MGAT4C: variants seen among roughly 807,000 people sequenced by gnomAD.
The protein encoded by MGAT4C is alpha-1,3-mannosyl-glycoprotein 4-beta-N-acetylglucosaminyltransferase C.
Under a neutral mutation model 40.1 loss-of-function variants are expected in MGAT4C, and 19 were observed. The ratio of observed to expected loss-of-function variants is 0.47; its 90% CI spans 0.33 to 0.70. MGAT4C has a LOEUF of 0.70. MGAT4C is among the 30% of genes least tolerant of loss of function. MGAT4C has a pLI of 0.02. For missense variants in MGAT4C, 491 were observed against 563.2 expected, an observed-to-expected ratio of 0.87 and a Z score of 1.30; for synonymous variants, 181 against 187.1, an observed-to-expected ratio of 0.97 and a Z score of 0.27.
rs184141481 is a variant in MGAT4C, at chr12:86,323,852, A to G, written c.-57+10213T>C. 3.9e-5 allele frequency among the ~76,000 whole-genome samples: 6 copies of G among 152,042 alleles called. No individual in the cohort carries two copies. The East Asian group carries it at 1.2e-3, about 29-fold the overall frequency. On this transcript the variant is annotated intron_variant, in intron 4 of 7. Transcript: ENST00000548651. ...AAATCAAGAACTACCTAAAGCTACT[A>G]AATCTTTGCCACTAGCCTAAATGAG... is the stretch of plus-strand genomic sequence containing the variant.
chr12:86,712,731 G>C (rs1950579373), intron 2 of MGAT4C, among the ~76,000 whole-genome samples: 1 of 152,074 alleles, frequency 6.6e-6, no homozygotes, highest in African/African-American at 2.4e-5. Context: ...GGTGCTTATA[G>C]TCTCAAGTCA....
chr12:86,679,455 G>A (rs966214152), intron 2 of MGAT4C, among the ~76,000 whole-genome samples: 4 of 152,194 alleles, frequency 2.6e-5, no homozygotes, highest in Non-Finnish European at 2.9e-5. Context: ...GAGCTACAGT[G>A]TACTATTTTG....
At chr12:86,234,274 G>A (rs1328562845) in intron 1 of MGAT4C, among the ~76,000 whole-genome samples, 3 of 152,148 alleles carry the variant, frequency 2.0e-5, no homozygotes, top group Admixed American at 6.6e-5. Context: ...GACTAATGTA[G>A]AGCCAGCATT....
intron 2 of MGAT4C, among the ~76,000 whole-genome samples, chr12:86,550,571 C>T (rs933509349): frequency 3.9e-5 from 6 of 152,210 alleles, no homozygotes; most frequent in African/African-American, 1.4e-4. Flanking sequence ...CTCTCCAGCA[C>T]TGGGGCTTCA....
intron 1 of MGAT4C, among the ~76,000 whole-genome samples, chr12:86,757,865 C>A (rs1015343721): frequency 6.6e-6 from 1 of 152,078 alleles, no homozygotes; most frequent in Non-Finnish European, 1.5e-5. Flanking sequence ...CATAGCCTCA[C>A]CTCAATTTTA....
intron 4 of MGAT4C, among the ~76,000 whole-genome samples, chr12:86,316,470 G>A (rs1954234127): frequency 6.6e-6 from 1 of 152,092 alleles, no homozygotes; most frequent in Non-Finnish European, 1.5e-5. Flanking sequence ...CAACCTAGGT[G>A]CCCATCAACA....
At chr12:86,323,157 C>T (rs965721660) in intron 4 of MGAT4C, among the ~76,000 whole-genome samples, 5 of 149,956 alleles carry the variant, frequency 3.3e-5, no homozygotes, top group Admixed American at 1.3e-4. Context: ...GTTAACTATA[C>T]AATGCTGTTT....
intron 1 of MGAT4C, among the ~76,000 whole-genome samples, chr12:86,153,881 G>A (rs142324544): frequency 2.2e-4 from 33 of 152,160 alleles, no homozygotes; most frequent in African/African-American, 7.0e-4. Flanking sequence ...TGTGAAAATA[G>A]ACTAATACAC....
In MGAT4C at chr12:86,266,408, T is replaced by C. The variant is rs532303973; in HGVS notation, c.-57+67657A>G. Among the ~76,000 whole-genome samples, 27 of 152,336 alleles carry C rather than the reference T, an allele frequency of 1.8e-4. No homozygotes were observed. The South Asian group carries it at 5.6e-3, about 32-fold the overall frequency. On this transcript the variant is annotated intron_variant, in intron 4 of 7. Coordinates refer to the MGAT4C transcript ENST00000548651. ...TATTGAGATGATCATAGGGTTTTTG[T>C]CCTTCATTCTGTTTATATACTGTAT...
intron 2 of MGAT4C, among the ~76,000 whole-genome samples, chr12:86,620,358 C>CAT (rs1246329240): frequency 4.6e-5 from 7 of 152,042 alleles, no homozygotes; most frequent in African/African-American, 1.7e-4. Context: ...CACACACACA[C>CAT]ACATATCCTG....
intron 2 of MGAT4C, among the ~76,000 whole-genome samples, chr12:86,454,965 A>G (rs943732907): frequency 6.6e-6 from 1 of 152,152 alleles, no homozygotes; most frequent in Admixed American, 6.6e-5. Flanking sequence ...AGATGAATTA[A>G]TAATGCAAAG....
At chr12:86,309,485 G>C (rs769583325) in intron 4 of MGAT4C, among the ~76,000 whole-genome samples, 3 of 152,054 alleles carry the variant, frequency 2.0e-5, no homozygotes, top group Non-Finnish European at 2.9e-5. Flanking sequence ...AGGTGAGGAC[G>C]GGGGGCAAAC....
intron 2 of MGAT4C, among the ~76,000 whole-genome samples, chr12:86,673,360 TTTTG>T (rs1171433047): frequency 3.3e-5 from 5 of 152,172 alleles, no homozygotes; most frequent in East Asian, 3.9e-4. Context: ...TTTAGAGTTG[TTTTG>T]TTTATCATTG....
chr12:86,498,421 T>A (rs1361935004), intron 2 of MGAT4C, among the ~76,000 whole-genome samples: 2 of 151,580 alleles, frequency 1.3e-5, no homozygotes, highest in African/African-American at 4.8e-5. Flanking sequence ...ATCAGAAAAA[T>A]TCAGAAAAAG....
In MGAT4C at chr12:86,703,764, C is replaced by T. The variant is rs181864730; in HGVS notation, c.-229+23445G>A. ...ACATTATCTCCTATGTATGCCTCTA[C>T]TTAAAATTTCAAAGACAAACTTATT... On this transcript the variant is annotated intron_variant, in intron 2 of 7. Coordinates refer to the MGAT4C transcript ENST00000548651. Among the ~76,000 whole-genome samples, 158 of 152,228 alleles carry T rather than the reference C, an allele frequency of 1.0e-3. 1 individual carries two copies. The highest frequency in any genetic ancestry group is 3.7e-3 in the African/African-American group (155 of 41,556).
At chr12:86,418,410 CTGGCTAACA>C (rs1024855040) in intron 3 of MGAT4C, among the ~76,000 whole-genome samples, 9 of 151,944 alleles carry the variant, frequency 5.9e-5, no homozygotes, top group Non-Finnish European at 1.2e-4. Flanking sequence ...TGAGACCAGC[CTGGCTAACA>C]TGGTGAAACT....
intron 3 of MGAT4C, among the ~76,000 whole-genome samples, chr12:86,385,826 T>G (rs769734190): frequency 2.0e-5 from 3 of 152,212 alleles, no homozygotes; most frequent in Non-Finnish European, 4.4e-5. Flanking sequence ...ACGGTACCCT[T>G]TCTGTCTTCC....
intron 4 of MGAT4C, among the ~76,000 whole-genome samples, chr12:86,321,595 T>G (rs1170407560): frequency 6.6e-6 from 1 of 152,180 alleles, no homozygotes; most frequent in African/African-American, 2.4e-5. Flanking sequence ...CCAGAAAATA[T>G]ATTTATTCAA....
chr12:86,678,968 T>C (rs1949924288), intron 2 of MGAT4C, among the ~76,000 whole-genome samples: 1 of 152,066 alleles, frequency 6.6e-6, no homozygotes, highest in Non-Finnish European at 1.5e-5. Flanking sequence ...CTGGGTCAAA[T>C]GGTATTTCTA....
Sources: allele counts gnomAD v4.1 joint callset (sites outside exome capture counted in the v4.1 genomes callset), GRCh38; gene constraint gnomAD v4.1.1; transcripts MANE v1.5; gene names NCBI Gene and HGNC (gene_info 2026-07-23, HGNC 2026-07-21).